ENTPD1: variants seen among roughly 807,000 people sequenced by gnomAD.
ENTPD1 encodes the protein ATP diphosphohydrolase.
ENTPD1 carries 33 observed loss-of-function variants against 57.0 expected under a neutral mutation model. The observed-to-expected ratio is 0.58, with a 90% confidence interval of 0.44 to 0.77. The LOEUF (loss-of-function observed/expected upper bound fraction) is 0.77. ENTPD1 is among the 30% of genes least tolerant of loss of function. ENTPD1 has a pLI of 0.00. For synonymous variants in ENTPD1, 202 were observed against 218.8 expected (o/e 0.92, Z 0.68); for missense variants, 501 against 603.4 (o/e 0.83, Z 1.78).
intron 1 of ENTPD1, among the ~76,000 whole-genome samples, chr10:95,823,019 C>CACTA (rs983024370): frequency 6.6e-6 from 1 of 152,200 alleles, no homozygotes; most frequent in Non-Finnish European, 1.5e-5. Flanking sequence ...TTGCCACAGC[C>CACTA]ACTAACTCAG....
intron 1 of ENTPD1, among the ~76,000 whole-genome samples, chr10:95,792,448 G>A (rs999888178): frequency 1.1e-4 from 17 of 152,308 alleles, no homozygotes; most frequent in South Asian, 4.1e-4. Context: ...CAGAAACAAA[G>A]AACAAAAAGT....
intron 1 of ENTPD1, among the ~76,000 whole-genome samples, chr10:95,799,016 C>T (rs1460419687): frequency 1.3e-5 from 2 of 152,074 alleles, no homozygotes; most frequent in Non-Finnish European, 2.9e-5. Flanking sequence ...ATAGGTAGCC[C>T]GGTTTTATAC....
In ENTPD1 at chr10:95,848,708, C is replaced by G. The variant is rs543137930; in HGVS notation, c.1074+1002C>G. On this transcript the variant is annotated intron_variant, in intron 7 of 9. Transcript: ENST00000371205. ...TCCTTGCACACATCTCTTGCACACA[C>G]ATTTTGCAGAAGTGCCAACTGACAT... Among the ~76,000 whole-genome samples the G allele has an allele frequency of 6.6e-4, 101 of 152,344 alleles. 1 individual carries two copies. Among genetic ancestry groups the G allele is most frequent in the Admixed American group, 3.7e-3 (57 of 15,304 alleles).
rs1243952465 is a variant in ENTPD1 at position 95,722,230 on chromosome 10, T to C, written c.37+10237T>C. 3.3e-5 allele frequency among the ~76,000 whole-genome samples: 4 copies of C among 119,844 alleles called. 1 individual carries two copies. The highest frequency in any genetic ancestry group is 1.5e-4 in the Admixed American group (2 of 12,944). The allele number at this position is 119,844 out of a possible 152,430, so 78.6% of individuals were successfully genotyped here. On this transcript the variant is annotated intron_variant, in intron 1 of 9. Transcript: ENST00000453258. ...CTCCCTATCAATTACTGAATACCCA[T>C]TGTGGTTTTTTTTTTATTATCCCAA...
intron 7 of ENTPD1, among the ~76,000 whole-genome samples, chr10:95,850,676 C>A (rs571411532): frequency 5.9e-5 from 9 of 152,316 alleles, no homozygotes; most frequent in African/African-American, 1.9e-4. Context: ...CAGCACACCA[C>A]TGTAAATAGC....
At chr10:95,787,250 G>A (rs139348322) in intron 1 of ENTPD1, among the ~76,000 whole-genome samples, 35 of 152,252 alleles carry the variant, frequency 2.3e-4, no homozygotes, top group Non-Finnish European at 4.4e-4. Context: ...TTTGATCAGC[G>A]TAGTATTCCA....
At chr10:95,757,592 G>T (rs1448484970) in intron 1 of ENTPD1, among the ~76,000 whole-genome samples, 1 of 152,140 alleles carries the variant, frequency 6.6e-6, no homozygotes, top group Non-Finnish European at 1.5e-5. Context: ...TCCTCATTTG[G>T]TGCTCATGGC....
the ENTPD1 span, among the ~76,000 whole-genome samples, chr10:95,698,993 A>G: frequency 6.6e-6 from 1 of 152,168 alleles, no homozygotes; most frequent in Admixed American, 6.5e-5. Flanking sequence ...AGCAAACAAA[A>G]AAAGGGTATA....
rs1022519112 is a variant in ENTPD1, at chr10:95,869,207, T to C, written c.*2824T>C. On this transcript the variant is annotated 3_prime_UTR_variant, in exon 10 of 10. Coordinates refer to ENST00000371205, the MANE Select transcript of ENTPD1 (RefSeq NM_001776.6). Reference sequence around the variant, plus strand: ...GGTGGGAGTTTTTTTTCTATGAACCTATAGGGGAGAAAAAAGATCAGCAGA... The same window carrying C: ...GGTGGGAGTTTTTTTTCTATGAACCCATAGGGGAGAAAAAAGATCAGCAGA... The C allele has an allele frequency of 2.1e-6, 2 of 966,520 alleles. No homozygotes were observed. Among genetic ancestry groups the C allele is most frequent in the African/African-American group, 3.6e-5 (2 of 55,668 alleles). 59.9% of individuals were successfully genotyped at this position (966,520 alleles called of 1,614,324 possible).
At chr10:95,844,832 T>G in intron 5 of ENTPD1, 197 bp downstream of exon 5, 1 of 706,782 alleles carries the variant, frequency 1.4e-6, no homozygotes, top group Non-Finnish European at 2.5e-6. Context: ...GACCTTCTAC[T>G]ATTGGGAGAA....
intron 1 of ENTPD1, among the ~76,000 whole-genome samples, chr10:95,730,273 T>C (rs2097987836): frequency 1.3e-5 from 2 of 152,044 alleles, no homozygotes; most frequent in African/African-American, 4.8e-5. Context: ...CAGGCTGTTC[T>C]CAAACTCCTG....
intron 1 of ENTPD1, among the ~76,000 whole-genome samples, chr10:95,761,859 G>T (rs995675989): frequency 6.6e-6 from 1 of 152,186 alleles, no homozygotes; most frequent in African/African-American, 2.4e-5. Context: ...CAGGGAGCTA[G>T]AGGTAGCAGG....
At position 95,872,425 on chromosome 10, in the gene ENTPD1, C is replaced by T; in HGVS notation, c.*6042C>T. 1 of 985,424 alleles carries T rather than the reference C, an allele frequency of 1.0e-6. No individual in the cohort carries two copies. Among genetic ancestry groups the T allele is most frequent in the Admixed American group, 6.1e-5 (1 of 16,290 alleles). 61.0% of individuals were successfully genotyped at this position (985,424 alleles called of 1,614,324 possible). On this transcript the variant is annotated 3_prime_UTR_variant, in exon 10 of 10. Coordinates refer to ENST00000371205, the MANE Select transcript of ENTPD1 (RefSeq NM_001776.6). ...ACAGCCAGGTAGAATGACTGTTCAC[C>T]CAACACCACTCAGGTTGTCTTCTCA...
chr10:95,837,627 G>A (rs1316440277), intron 2 of ENTPD1, among the ~76,000 whole-genome samples: 2 of 152,184 alleles, frequency 1.3e-5, no homozygotes, highest in African/African-American at 4.8e-5. Context: ...TGGAGGTTAT[G>A]GCAGGTCAAG....
At chr10:95,852,174 T>C (rs1386183959) in intron 7 of ENTPD1, among the ~76,000 whole-genome samples, 1 of 152,238 alleles carries the variant, frequency 6.6e-6, no homozygotes, top group African/African-American at 2.4e-5. Context: ...ATTTCTCTGA[T>C]GGCCAGTGAT....
intron 7 of ENTPD1, among the ~76,000 whole-genome samples, chr10:95,859,506 G>A (rs2098461583): frequency 6.6e-6 from 1 of 152,208 alleles, no homozygotes; most frequent in Non-Finnish European, 1.5e-5. Context: ...TCAGCACAGT[G>A]TCTAGCAAAC....
At chr10:95,787,716 A>C (rs750388933) in intron 1 of ENTPD1, among the ~76,000 whole-genome samples, 1 of 152,142 alleles carries the variant, frequency 6.6e-6, no homozygotes, top group African/African-American at 2.4e-5. Flanking sequence ...TTGTTTAAAG[A>C]TATTCTTCCA....
chr10:95,865,579 G>T (rs1362897620), intron 9 of ENTPD1, among the ~76,000 whole-genome samples: 1 of 152,230 alleles, frequency 6.6e-6, no homozygotes, highest in Non-Finnish European at 1.5e-5. Flanking sequence ...ACAGAGGGCT[G>T]TAGCAGGCCT....
Position 95,871,036 on chromosome 10 carries a change from C to T in ENTPD1, c.*4653C>T. 6 of 985,298 alleles carry T rather than the reference C, an allele frequency of 6.1e-6. No homozygotes were observed. The highest frequency in any genetic ancestry group is 7.2e-6 in the Non-Finnish European group (6 of 829,924). The allele number at this position is 985,298 out of a possible 1,614,324, so 61.0% of individuals were successfully genotyped here. A position where few individuals can be genotyped will look rare whatever the true frequency, so the allele number is the denominator to read the frequency against. ...AGAGGCTCGTGAAAGTGAGAGGAAACTAGGATGCCTCTTAAGGTCTTGGTC... is the reference window on the plus strand; with the variant it reads ...AGAGGCTCGTGAAAGTGAGAGGAAATTAGGATGCCTCTTAAGGTCTTGGTC... On this transcript the variant is annotated 3_prime_UTR_variant, in exon 10 of 10. Coordinates refer to ENST00000371205, the MANE Select transcript of ENTPD1 (RefSeq NM_001776.6).
Sources: gnomAD v4.1 joint callset for allele counts (sites outside exome capture counted in the v4.1 genomes callset) on GRCh38, gnomAD v4.1.1 for gene constraint, MANE v1.5 for transcripts, NCBI Gene and HGNC (gene_info 2026-07-23, HGNC 2026-07-21) for gene names.